GNPTAB: variants seen among roughly 807,000 people sequenced by gnomAD.
GNPTAB encodes N-acetylglucosamine-1-phosphotransferase subunits alpha/beta.
A neutral mutation model predicts 136.6 loss-of-function variants in GNPTAB; 92 were observed. The observed-to-expected ratio is 0.67, with a 90% confidence interval of 0.57 to 0.80. The LOEUF (loss-of-function observed/expected upper bound fraction) is 0.80. Among genes scored for constraint, GNPTAB ranks in the 30% least tolerant of loss-of-function variants. The pLI, the probability that GNPTAB is intolerant of heterozygous loss-of-function variation, is 0.00. For missense variants in GNPTAB, 1,343 were observed against 1,501.8 expected (o/e 0.89, Z 1.75); for synonymous variants, 512 against 535.1 (o/e 0.96, Z 0.60).
intron 2 of GNPTAB, among the ~76,000 whole-genome samples, chr12:101,793,099 C>G (rs1192375933): frequency 6.6e-6 from 1 of 152,136 alleles, no homozygotes; most frequent in Non-Finnish European, 1.5e-5. Context: ...TTGTTCACCA[C>G]TATATACCTA....
chr12:101,776,451 C>T (rs1953263823), intron 7 of GNPTAB, among the ~76,000 whole-genome samples: 1 of 152,188 alleles, frequency 6.6e-6, no homozygotes, highest in Non-Finnish European at 1.5e-5. Flanking sequence ...AAGTCTCTTA[C>T]AGAAAAGACT....
chr12:101,759,023 C>T (rs1184701736), intron 16 of GNPTAB, among the ~76,000 whole-genome samples: 1 of 152,118 alleles, frequency 6.6e-6, no homozygotes, highest in Non-Finnish European at 1.5e-5. Context: ...TCAACTCATA[C>T]TGTCTATATG....
intron 18 of GNPTAB, among the ~76,000 whole-genome samples, chr12:101,753,886 A>G (rs903472132): frequency 2.6e-5 from 4 of 152,208 alleles, no homozygotes; most frequent in Non-Finnish European, 2.9e-5. Context: ...ATGGCGGCTC[A>G]CACCTGTAAT....
chr12:101,809,873 G>A (rs1870127205), intron 1 of GNPTAB, among the ~76,000 whole-genome samples: 1 of 152,170 alleles, frequency 6.6e-6, no homozygotes, highest in South Asian at 2.1e-4. Context: ...CCACAGAACT[G>A]TATAAAACAA....
At position 101,770,459 on chromosome 12, in the gene GNPTAB, T is replaced by C. The variant is rs939746518; in HGVS notation, c.1060A>G (p.Ile354Val). Residue 354 changes from isoleucine to valine, a missense_variant, in exon 9 of 21, where the codon ATT (isoleucine) becomes GTT (valine). Physicochemically the swap from Ile to Val is conservative, Grantham distance 29. Transcript: ENST00000299314. The stretch of plus-strand genomic sequence containing the variant: ...TTGTCAAGGTTCAGCCAGGATGGAA[T>C]CTGCCCGTTGGTGACAATGAAAATA... ...RNIFIVTNGQ[I>V]PSWLNLDNPR... is the part of the protein sequence containing the mutation. 2.5e-6 allele frequency: 4 copies of C among 1,613,976 alleles called. No individual in the cohort carries two copies. Among genetic ancestry groups the C allele is most frequent in the Non-Finnish European group, 2.5e-6 (3 of 1,179,802 alleles).
chr12:101,750,519 T>C (rs1004144568), intron 19 of GNPTAB, among the ~76,000 whole-genome samples: 2 of 152,242 alleles, frequency 1.3e-5, no homozygotes, highest in African/African-American at 4.8e-5. Context: ...TCACACCATT[T>C]GTACAGCACA....
At chr12:101,784,226 A>T (rs1456271141) in intron 5 of GNPTAB, among the ~76,000 whole-genome samples, 1 of 152,242 alleles carries the variant, frequency 6.6e-6, no homozygotes, top group Admixed American at 6.5e-5. Context: ...CATTGTGAAT[A>T]TATTAGTCCA....
chr12:101,790,349 G>C (rs1244864532), intron 2 of GNPTAB, among the ~76,000 whole-genome samples: 1 of 152,156 alleles, frequency 6.6e-6, no homozygotes, highest in Non-Finnish European at 1.5e-5. Flanking sequence ...GATTGTTCGT[G>C]GGTGAAGTAG....
chr12:101,807,570 A>G lies in GNPTAB; in HGVS notation c.118-10808T>C, dbSNP rs551647090. On this transcript the variant is annotated intron_variant, in intron 1 of 20. Transcript: ENST00000299314. ...CATGACTGTCTATGTAGAAAATCCC[A>G]AAGAATCAACAACAACAACAAAATC... Among the ~76,000 whole-genome samples the G allele has an allele frequency of 2.6e-5, 4 of 152,316 alleles. No individual in the cohort carries two copies. In the East Asian group the frequency reaches 5.8e-4, roughly 22 times the overall value.
chr12:101,781,814 TTCTC>T (rs534752883), intron 5 of GNPTAB, among the ~76,000 whole-genome samples: 14 of 152,254 alleles, frequency 9.2e-5, no homozygotes, highest in Non-Finnish European at 1.6e-4. Context: ...AGATAAACTT[TTCTC>T]TCTCTCTTTC....
intron 1 of GNPTAB, among the ~76,000 whole-genome samples, chr12:101,814,094 G>A (rs1272229631): frequency 6.9e-6 from 1 of 144,898 alleles, no homozygotes; most frequent in Non-Finnish European, 1.5e-5. Flanking sequence ...AAAAAAAAGA[G>A]TTCAAGACCA....
chr12:101,750,557 T>A (rs760267039), intron 19 of GNPTAB, among the ~76,000 whole-genome samples: 14 of 152,216 alleles, frequency 9.2e-5, no homozygotes, highest in Non-Finnish European at 1.8e-4. Flanking sequence ...AAATTACTTT[T>A]AAGCCCACTT....
chr12:101,830,412 C>T, intron 1 of GNPTAB, 147 bp downstream of exon 1: 1 of 629,844 alleles, frequency 1.6e-6, no homozygotes, highest in South Asian at 1.6e-5. Context: ...ATCGCCTGAG[C>T]TCAGGAGTTC....
chr12:101,763,571 G>C (rs1417685489), intron 13 of GNPTAB, among the ~76,000 whole-genome samples: 1 of 152,012 alleles, frequency 6.6e-6, no homozygotes, highest in African/African-American at 2.4e-5. Flanking sequence ...TGAACTTCTT[G>C]CCCATATCTC....
intron 1 of GNPTAB, among the ~76,000 whole-genome samples, chr12:101,803,921 T>C (rs759752217): frequency 1.6e-4 from 24 of 151,556 alleles, no homozygotes; most frequent in Non-Finnish European, 2.9e-4. Flanking sequence ...GGGAAGAAAA[T>C]TGTATTAGAA....
At position 101,830,893 on chromosome 12, in the gene GNPTAB, GGAGGCGGACCTGCGGCCGGC is replaced by G. The variant is rs1483502042; in HGVS notation, c.-238_-219del. On this transcript the variant is annotated 5_prime_UTR_variant, in exon 1 of 21. Transcript: ENST00000299314. ...CGGGAGCCCACGCCCTCGGCGCGGC[GGAGGCGGACCTGCGGCCGGC>G]GAGGCGGCCGGCGCCGCCCGGGTCT... is the stretch of plus-strand genomic sequence containing the variant. The G allele has an allele frequency of 6.8e-5, 10 of 148,032 alleles. No homozygotes were observed. The highest frequency in any genetic ancestry group is 1.3e-4 in the Admixed American group (2 of 14,862). The allele number at this position is 148,032 out of a possible 1,614,324, so 9.2% of individuals were successfully genotyped here.
chr12:101,758,460 C>T (rs1422738518), intron 16 of GNPTAB, among the ~76,000 whole-genome samples: 1 of 152,240 alleles, frequency 6.6e-6, no homozygotes, highest in African/African-American at 2.4e-5. Context: ...TAGGCACGTG[C>T]CACCGTGCCC....
At chr12:101,808,408 G>A (rs144626348) in intron 1 of GNPTAB, among the ~76,000 whole-genome samples, 1,775 of 151,078 alleles carry the variant, frequency 0.012, 23 homozygotes, top group Non-Finnish European at 0.02. Flanking sequence ...TGGGCATAGC[G>A]GCATGCACCT....
chr12:101,803,951 T>G (rs10860790), intron 1 of GNPTAB, among the ~76,000 whole-genome samples: 23,419 of 152,002 alleles, frequency 0.15, 2,173 homozygotes, highest in East Asian at 0.48. Context: ...AAGAATACTG[T>G]CTAGGCATGG....
Sources: allele counts gnomAD v4.1 joint callset (sites outside exome capture counted in the v4.1 genomes callset), GRCh38; gene constraint gnomAD v4.1.1; transcripts MANE v1.5; gene names NCBI Gene and HGNC (gene_info 2026-07-23, HGNC 2026-07-21).